Variants in RASEF observed in about 807,000 individuals in gnomAD.
RASEF encodes the protein RAS and EF-hand domain containing.
A neutral mutation model predicts 90.1 loss-of-function variants in RASEF; 68 were observed. The ratio of observed to expected loss-of-function variants is 0.75; its 90% confidence interval spans 0.62 to 0.92. The LOEUF (loss-of-function observed/expected upper bound fraction) is 0.92, where lower values mean the gene tolerates loss of function less well. Among genes scored for constraint, RASEF ranks in the 40% least tolerant of loss-of-function variants. RASEF has a pLI of 0.00. For synonymous variants in RASEF, 331 were observed against 345.2 expected (o/e 0.96, Z 0.46); for missense variants, 949 against 937.2 (o/e 1.01, Z -0.16).
At chr9:83,114,295 A>C in the RASEF span, among the ~76,000 whole-genome samples, 3 of 152,190 alleles carry the variant, frequency 2.0e-5, no homozygotes, top group African/African-American at 7.2e-5. Flanking sequence ...GTGATTTCCT[A>C]TGCCTGTCTT....
intron 1 of RASEF, among the ~76,000 whole-genome samples, chr9:83,036,459 C>G (rs1829742936): frequency 6.6e-6 from 1 of 152,210 alleles, no homozygotes; most frequent in Non-Finnish European, 1.5e-5. Context: ...TGCCTCAGAG[C>G]AATGGAGAGT....
rs1249224891 is a variant in RASEF, at chr9:82,981,107, T to A, written c.*1570A>T. 1 of 152,218 alleles carries A rather than the reference T, an allele frequency of 6.6e-6. No individual in the cohort carries two copies. Among genetic ancestry groups the A allele is most frequent in the Non-Finnish European group, 1.5e-5 (1 of 68,044 alleles). The allele number at this position is 152,218 out of a possible 1,614,324, so 9.4% of individuals were successfully genotyped here. A position where few individuals can be genotyped will look rare whatever the true frequency, so the allele number is the denominator to read the frequency against. On this transcript the variant is annotated 3_prime_UTR_variant, in exon 17 of 17. Coordinates refer to ENST00000376447, the MANE Select transcript of RASEF (RefSeq NM_152573.4). ...ATTGTTTCGATTCAACAAAAATAAA[T>A]GTTTTTAGCTTATACAATACAATAA...
intron 1 of RASEF, among the ~76,000 whole-genome samples, chr9:83,056,743 G>C (rs7048762): frequency 1.2e-4 from 18 of 152,210 alleles, no homozygotes; most frequent in Non-Finnish European, 1.8e-4. Flanking sequence ...CTGTAGTTCT[G>C]GGAGTACAGT....
chr9:83,188,600 C>A, the RASEF span, among the ~76,000 whole-genome samples: 2 of 152,288 alleles, frequency 1.3e-5, no homozygotes, highest in South Asian at 4.1e-4. Context: ...GCTAGTGCAG[C>A]AGGGAAAGAT....
chr9:82,999,689 C>T (rs987823572), intron 12 of RASEF, among the ~76,000 whole-genome samples: 2 of 149,230 alleles, frequency 1.3e-5, no homozygotes, highest in East Asian at 2.0e-4. Flanking sequence ...CTGCAACCTC[C>T]GCCTCCCAGG....
Position 83,006,699 on chromosome 9 carries a change from A to G in RASEF, c.1028+738T>C, listed in dbSNP as rs192082200. Among the ~76,000 whole-genome samples the G allele has an allele frequency of 1.7e-4, 26 of 152,262 alleles. No individual in the cohort carries two copies. The East Asian group carries it at 4.5e-3, about 26-fold the overall frequency. On this transcript the variant is annotated intron_variant, in intron 7 of 16. Transcript: ENST00000376447. ...GTATATTTCTACTTGGGGAGAGGGAAAAAAACCTAAGAAAAATATACTTCT... is the reference window on the plus strand; with the variant it reads ...GTATATTTCTACTTGGGGAGAGGGAGAAAAACCTAAGAAAAATATACTTCT...
At chr9:83,173,820 T>C in the RASEF span, among the ~76,000 whole-genome samples, 1 of 151,932 alleles carries the variant, frequency 6.6e-6, no homozygotes, top group African/African-American at 2.4e-5. Context: ...ATTTCTGGCA[T>C]AGAAAAGTTA....
chr9:83,077,841 CA>C, the RASEF span, among the ~76,000 whole-genome samples: 1 of 152,116 alleles, frequency 6.6e-6, no homozygotes, highest in Non-Finnish European at 1.5e-5. Context: ...TAACATTAAC[CA>C]GGTAGGAGGG....
the RASEF span, among the ~76,000 whole-genome samples, chr9:83,139,698 G>T: frequency 6.6e-6 from 1 of 152,082 alleles, no homozygotes; most frequent in Non-Finnish European, 1.5e-5. Context: ...GACTCACACA[G>T]TTCAAATCTG....
chr9:83,047,315 C>G (rs1278163939), intron 1 of RASEF, among the ~76,000 whole-genome samples: 1 of 151,986 alleles, frequency 6.6e-6, no homozygotes, highest in African/African-American at 2.4e-5. Flanking sequence ...GAAAAGTAAC[C>G]CAGACACACA....
At position 82,997,147 on chromosome 9, in the gene RASEF, T is replaced by C. The variant is rs763458793; in HGVS notation, c.1806-21A>G. On this transcript the variant is annotated intron_variant, in intron 13 of 16. Transcript: ENST00000376447. ...TGAATCTGAGAAAGAGAAAACCACA[T>C]CATCAGTCAGTTTGTGTTGCCTCAT... 21 of 1,449,888 alleles carry C rather than the reference T, an allele frequency of 1.4e-5. No homozygotes were observed. The South Asian group carries it at 2.4e-4, about 17-fold the overall frequency. 89.8% of individuals were successfully genotyped at this position (1,449,888 alleles called of 1,614,324 possible). A position where few individuals can be genotyped will look rare whatever the true frequency, so the allele number is the denominator to read the frequency against.
At chr9:83,123,025 A>AG in the RASEF span, among the ~76,000 whole-genome samples, 16,904 of 152,112 alleles carry the variant, frequency 0.11, 946 homozygotes, top group African/African-American at 0.14. Context: ...GAATCACCTG[A>AG]GTCAGGAGTT....
intron 5 of RASEF, among the ~76,000 whole-genome samples, chr9:83,010,132 A>G (rs1252235500): frequency 6.6e-6 from 1 of 152,238 alleles, no homozygotes; most frequent in African/African-American, 2.4e-5. Flanking sequence ...TGTGGAATCA[A>G]CAGTACCTAT....
the RASEF span, among the ~76,000 whole-genome samples, chr9:83,079,138 C>T: frequency 3.4e-4 from 51 of 152,132 alleles, no homozygotes; most frequent in Non-Finnish European, 6.0e-4. Context: ...ATTCCTAGGT[C>T]CAGAATGGTT....
At chr9:83,177,334 G>T in the RASEF span, among the ~76,000 whole-genome samples, 1 of 152,116 alleles carries the variant, frequency 6.6e-6, no homozygotes, top group African/African-American at 2.4e-5. Context: ...ACTATCTAGA[G>T]TCACTTACCC....
the RASEF span, among the ~76,000 whole-genome samples, chr9:83,200,507 A>G: frequency 1.3e-5 from 2 of 151,904 alleles, no homozygotes; most frequent in African/African-American, 4.8e-5. Context: ...TCCCAGATCA[A>G]CTCCCACTGA....
intron 2 of RASEF, among the ~76,000 whole-genome samples, chr9:83,023,542 T>C (rs1829481503): frequency 6.6e-6 from 1 of 152,184 alleles, no homozygotes; most frequent in East Asian, 1.9e-4. Flanking sequence ...TCCAAGGAAG[T>C]ATTATGGGAG....
At chr9:83,194,712 C>T in the RASEF span, among the ~76,000 whole-genome samples, 117 of 152,314 alleles carry the variant, frequency 7.7e-4, no homozygotes, top group African/African-American at 2.6e-3. Context: ...ATCACTCATT[C>T]AGTCATTTGT....
chr9:83,151,415 C>T, the RASEF span, among the ~76,000 whole-genome samples: 2 of 152,014 alleles, frequency 1.3e-5, no homozygotes, highest in Non-Finnish European at 2.9e-5. Context: ...TGTGTTAGCC[C>T]CCAGCTTTCT....
Sources: allele counts gnomAD v4.1 joint callset (sites outside exome capture counted in the v4.1 genomes callset), GRCh38; gene constraint gnomAD v4.1.1; transcripts MANE v1.5; gene names NCBI Gene and HGNC (gene_info 2026-07-23, HGNC 2026-07-21).